S100Z: variants seen among roughly 807,000 people sequenced by gnomAD.
The protein encoded by S100Z is protein S100-Z.
S100Z carries 11 observed loss-of-function variants against 8.5 expected under a neutral mutation model. The ratio of observed to expected loss-of-function variants is 1.30; its 90% confidence interval spans 0.82 to 2.15. S100Z has a LOEUF of 2.15. Among genes scored for constraint, S100Z ranks in the 30% most tolerant of loss-of-function variants. The pLI, the probability that S100Z is intolerant of heterozygous loss-of-function variation, is 0.00. For missense variants in S100Z, 126 were observed against 117.9 expected, an observed-to-expected ratio of 1.07 and a Z score of -0.32; for synonymous variants, 34 against 43.8, an observed-to-expected ratio of 0.78 and a Z score of 0.89.
chr5:76,868,590 G>T (rs1052854766), intron 1 of S100Z, among the ~76,000 whole-genome samples: 3 of 149,364 alleles, frequency 2.0e-5, no homozygotes, highest in African/African-American at 4.9e-5. Flanking sequence ...ACTTAATTTG[G>T]AATTAAATAA....
At chr5:76,929,265 A>G in the S100Z span, among the ~76,000 whole-genome samples, 2 of 152,164 alleles carry the variant, frequency 1.3e-5, no homozygotes, top group East Asian at 3.9e-4. Context: ...GTAGATGCAT[A>G]TTGTACCTTT....
chr5:76,885,911 G>C (rs1181476608), intron 4 of S100Z, among the ~76,000 whole-genome samples: 1 of 148,104 alleles, frequency 6.8e-6, no homozygotes. Context: ...TGGAGAGAAG[G>C]AGTGGGGGGT....
At chr5:76,862,507 C>G (rs1255837384) in intron 1 of S100Z, among the ~76,000 whole-genome samples, 3 of 151,906 alleles carry the variant, frequency 2.0e-5, no homozygotes, top group Non-Finnish European at 2.9e-5. Context: ...TTTATAAGAC[C>G]CTGAGGAGCC....
intron 1 of S100Z, among the ~76,000 whole-genome samples, chr5:76,860,338 A>G (rs1192124048): frequency 6.6e-6 from 1 of 152,188 alleles, no homozygotes; most frequent in Non-Finnish European, 1.5e-5. Context: ...GAGGGAAAAT[A>G]TGGGCTTGCA....
At chr5:76,931,672 G>A in the S100Z span, among the ~76,000 whole-genome samples, 15 of 152,184 alleles carry the variant, frequency 9.9e-5, 1 homozygote, top group African/African-American at 3.6e-4. Flanking sequence ...GATGGATAGC[G>A]AATCTGAGAA....
At chr5:76,864,143 A>G (rs1228887524) in intron 1 of S100Z, among the ~76,000 whole-genome samples, 2 of 152,190 alleles carry the variant, frequency 1.3e-5, no homozygotes, top group East Asian at 3.9e-4. Flanking sequence ...ATTTTGCTCA[A>G]TGATGGACCA....
At chr5:76,952,081 G>GT in the S100Z span, among the ~76,000 whole-genome samples, 1 of 152,304 alleles carries the variant, frequency 6.6e-6, no homozygotes, top group African/African-American at 2.4e-5. Flanking sequence ...GTTTCCCACA[G>GT]TTTTGGACAC....
rs75813045 is a variant in S100Z, at chr5:76,863,685, C to T, written c.-175-6481C>T. On this transcript the variant is annotated intron_variant, in intron 1 of 4. Transcript: ENST00000317593. ...TCCCAAGTAGCTGGGACTACAGGCA[C>T]CCGCCACCACACCCAGCTAATTTTT... Among the ~76,000 whole-genome samples the T allele has an allele frequency of 3.3e-5, 5 of 151,768 alleles. No homozygotes were observed. In the South Asian group the frequency reaches 6.2e-4, roughly 19 times the overall value.
chr5:76,906,250 CA>C (rs1299934560), intron 4 of S100Z, among the ~76,000 whole-genome samples: 1 of 152,194 alleles, frequency 6.6e-6, no homozygotes, highest in Non-Finnish European at 1.5e-5. Flanking sequence ...ATTAAGCTAA[CA>C]TTTAATCACT....
chr5:76,852,058 TTA>T (rs1491436505), intron 1 of S100Z, among the ~76,000 whole-genome samples: 10 of 141,322 alleles, frequency 7.1e-5, no homozygotes, highest in African/African-American at 3.1e-4. Context: ...ACTTTTTCTT[TTA>T]AAAAAAAAAA....
At chr5:76,935,769 C>CTTT in the S100Z span, among the ~76,000 whole-genome samples, 3 of 143,336 alleles carry the variant, frequency 2.1e-5, no homozygotes, top group African/African-American at 7.7e-5. Context: ...AAAATAATGA[C>CTTT]TTTTTTTTTT....
chr5:76,949,489 A>C, the S100Z span, among the ~76,000 whole-genome samples: 3 of 152,246 alleles, frequency 2.0e-5, no homozygotes, highest in African/African-American at 7.2e-5. Context: ...AATTGAAATC[A>C]GTATGTTGAA....
rs373643133 is a variant in S100Z at position 76,863,750 on chromosome 5, G to C, written c.-175-6416G>C. Among the ~76,000 whole-genome samples, 110 of 152,150 alleles carry C rather than the reference G, an allele frequency of 7.2e-4. 1 individual carries two copies. The highest frequency in any genetic ancestry group is 1.5e-3 in the East Asian group (8 of 5,162). ...AGACGGGGTTTCACCGTGTTAGCCAGGATGGTCTCGATCTCCTGACCTTGT... is the reference window on the plus strand; with the variant it reads ...AGACGGGGTTTCACCGTGTTAGCCACGATGGTCTCGATCTCCTGACCTTGT... On this transcript the variant is annotated intron_variant, in intron 1 of 4. Transcript: ENST00000317593.
At chr5:76,885,963 A>G (rs1580025402) in intron 4 of S100Z, among the ~76,000 whole-genome samples, 2 of 103,364 alleles carry the variant, frequency 1.9e-5, no homozygotes, top group Non-Finnish European at 4.0e-5. Flanking sequence ...GAGAGTAGAG[A>G]AATGGAGAGA....
At chr5:76,938,321 C>T in the S100Z span, among the ~76,000 whole-genome samples, 1 of 152,236 alleles carries the variant, frequency 6.6e-6, no homozygotes, top group Middle Eastern at 3.4e-3. Flanking sequence ...AGTTCTTACT[C>T]AAAAAGGCAG....
chr5:76,855,152 G>T (rs1750847813), intron 1 of S100Z, among the ~76,000 whole-genome samples: 1 of 152,248 alleles, frequency 6.6e-6, no homozygotes, highest in Admixed American at 6.5e-5. Flanking sequence ...CCCAGGAATG[G>T]AGCCTTCATA....
At chr5:76,853,384 C>A (rs2150617434) in intron 1 of S100Z, among the ~76,000 whole-genome samples, 1 of 152,246 alleles carries the variant, frequency 6.6e-6, no homozygotes, top group East Asian at 1.9e-4. Flanking sequence ...CTGAAACAAC[C>A]AACTTTTATA....
the S100Z span, among the ~76,000 whole-genome samples, chr5:76,947,608 C>A: frequency 6.6e-6 from 1 of 152,118 alleles, no homozygotes; most frequent in Non-Finnish European, 1.5e-5. Context: ...TTCCTGATTT[C>A]AAAATATATC....
intron 4 of S100Z, among the ~76,000 whole-genome samples, chr5:76,878,529 C>T (rs1369270445): frequency 6.6e-6 from 1 of 152,212 alleles, no homozygotes; most frequent in Admixed American, 6.5e-5. Context: ...ATCTCACTTT[C>T]CTGCTCCAAC....
Sources: gnomAD v4.1 joint callset for allele counts (sites outside exome capture counted in the v4.1 genomes callset) on GRCh38, gnomAD v4.1.1 for gene constraint, MANE v1.5 for transcripts, NCBI Gene and HGNC (gene_info 2026-07-23, HGNC 2026-07-21) for gene names.